Variants in TLK1 observed in about 807,000 individuals in gnomAD.
The protein encoded by TLK1 is serine/threonine-protein kinase tousled-like 1.
In TLK1, 24 loss-of-function variants were observed where a neutral mutation model predicts 105.3. The ratio of observed to expected loss-of-function variants is 0.23; its 90% CI spans 0.17 to 0.32. The LOEUF is 0.32. Ranked by LOEUF, TLK1 falls within the 10% of genes least tolerant of loss-of-function variation. The pLI is 1.00. For synonymous variants in TLK1, 321 were observed against 310.4 expected (o/e 1.03, Z -0.36); for missense variants, 558 against 910.5 (o/e 0.61, Z 4.98).
intron 17 of TLK1, 39 bp downstream of exon 17, chr2:171,006,435 A>C: frequency 2.0e-6 from 3 of 1,533,718 alleles, no homozygotes; most frequent in Non-Finnish European, 2.6e-6. Context: ...TAAAAACTAT[A>C]CTCAAGTTTA....
At chr2:171,070,417 C>T (rs1190015669) in intron 3 of TLK1, among the ~76,000 whole-genome samples, 1 of 151,978 alleles carries the variant, frequency 6.6e-6, no homozygotes, top group Non-Finnish European at 1.5e-5. Context: ...ATTCCCCCTC[C>T]CCACCACCAC....
At chr2:171,118,111 C>A (rs935414573) in intron 1 of TLK1, among the ~76,000 whole-genome samples, 2 of 152,150 alleles carry the variant, frequency 1.3e-5, no homozygotes, top group Admixed American at 6.5e-5. Flanking sequence ...TACACAGTTA[C>A]AAACATTCAT....
chr2:171,101,479 C>T (rs1439626659), intron 2 of TLK1, among the ~76,000 whole-genome samples: 1 of 151,778 alleles, frequency 6.6e-6, no homozygotes. Context: ...GCAGTGTAGG[C>T]TAGGGAAGAA....
chr2:171,217,928 A>G (rs904333183), intron 1 of TLK1, among the ~76,000 whole-genome samples: 4 of 152,234 alleles, frequency 2.6e-5, no homozygotes, highest in African/African-American at 4.8e-5. Context: ...TATGGCTGCT[A>G]TAACAAATTG....
chr2:171,107,879 T>C (rs1689996222), intron 2 of TLK1, among the ~76,000 whole-genome samples: 1 of 151,874 alleles, frequency 6.6e-6, no homozygotes, highest in Non-Finnish European at 1.5e-5. Context: ...GGCAACATGG[T>C]GAGACTCATC....
intron 2 of TLK1, among the ~76,000 whole-genome samples, chr2:171,087,734 A>G (rs543099478): frequency 1.3e-5 from 2 of 152,288 alleles, no homozygotes; most frequent in African/African-American, 4.8e-5. Context: ...GAAAGTACAC[A>G]TGAGAACAAA....
intron 12 of TLK1, among the ~76,000 whole-genome samples, chr2:171,017,301 T>G (rs1160896431): frequency 6.6e-6 from 1 of 152,224 alleles, no homozygotes; most frequent in African/African-American, 2.4e-5. Context: ...TCCCTTCATG[T>G]TACTAATGTT....
intron 18 of TLK1, among the ~76,000 whole-genome samples, chr2:171,001,474 T>C (rs1039609341): frequency 8.5e-5 from 13 of 152,214 alleles, no homozygotes; most frequent in Admixed American, 8.5e-4. Context: ...AGGGTTCCAA[T>C]TGTCCAGGCC....
chr2:171,059,139 A>C (rs1687632000), intron 4 of TLK1, among the ~76,000 whole-genome samples: 1 of 152,224 alleles, frequency 6.6e-6, no homozygotes, highest in African/African-American at 2.4e-5. Flanking sequence ...AATTTTGAAC[A>C]TTAGTTCTGC....
At chr2:171,150,600 C>A (rs934501690) in intron 1 of TLK1, among the ~76,000 whole-genome samples, 5 of 152,198 alleles carry the variant, frequency 3.3e-5, no homozygotes, top group African/African-American at 1.2e-4. Context: ...ACCAACAACA[C>A]AACTGACATG....
At chr2:171,006,028 C>T in intron 18 of TLK1, 119 bp downstream of exon 18, 2 of 1,043,412 alleles carry the variant, frequency 1.9e-6, no homozygotes, top group South Asian at 5.6e-5. Flanking sequence ...AGCTTAATAT[C>T]AGTACCTTTA....
chr2:171,108,504 A>G (rs1690030028), intron 2 of TLK1, among the ~76,000 whole-genome samples: 1 of 152,250 alleles, frequency 6.6e-6, no homozygotes. Context: ...AGAAAATAAC[A>G]ATAATTACAA....
chr2:171,200,925 A>G (rs556470996), intron 1 of TLK1, among the ~76,000 whole-genome samples: 196 of 142,332 alleles, frequency 1.4e-3, no homozygotes, highest in African/African-American at 5.1e-3. Flanking sequence ...TCTGTAGCCC[A>G]GGCTGGAGTG....
intron 1 of TLK1, among the ~76,000 whole-genome samples, chr2:171,190,209 G>T (rs1408242405): frequency 6.6e-6 from 1 of 152,160 alleles, no homozygotes; most frequent in Non-Finnish European, 1.5e-5. Context: ...AAATTCAGTG[G>T]GATCTGTTTA....
intron 1 of TLK1, among the ~76,000 whole-genome samples, chr2:171,193,587 G>A (rs1158621854): frequency 3.3e-5 from 5 of 151,050 alleles, no homozygotes; most frequent in Non-Finnish European, 7.4e-5. Flanking sequence ...TTCTTTAGTA[G>A]AGACGGGGTT....
intron 1 of TLK1, among the ~76,000 whole-genome samples, chr2:171,187,424 A>G (rs1693054140): frequency 6.6e-6 from 1 of 152,206 alleles, no homozygotes; most frequent in Non-Finnish European, 1.5e-5. Flanking sequence ...TTCCAGTTTT[A>G]ACATTCTATG....
chr2:171,211,739 G>A (rs1693619680), intron 1 of TLK1, among the ~76,000 whole-genome samples: 1 of 151,846 alleles, frequency 6.6e-6, no homozygotes, highest in Non-Finnish European at 1.5e-5. Flanking sequence ...TAGTAGAGAT[G>A]GAGTTTCACC....
intron 20 of TLK1, chr2:170,994,678 C>G (rs1257162765): frequency 1.9e-6 from 1 of 517,534 alleles, no homozygotes; most frequent in Admixed American, 1.9e-5. Context: ...CCCCTCATGC[C>G]CAGTTCCAGG....
At chr2:171,033,474 C>T (rs1465070026) in intron 11 of TLK1, among the ~76,000 whole-genome samples, 1 of 150,764 alleles carries the variant, frequency 6.6e-6, no homozygotes, top group Non-Finnish European at 1.5e-5. Flanking sequence ...GGTGCAAAAA[C>T]ATAGAATGAA....
Sources: gnomAD v4.1 joint callset for allele counts (sites outside exome capture counted in the v4.1 genomes callset) on GRCh38, gnomAD v4.1.1 for gene constraint, MANE v1.5 for transcripts, NCBI Gene and HGNC (gene_info 2026-07-23, HGNC 2026-07-21) for gene names.